Variants in SEPTIN9 observed in about 807,000 individuals in gnomAD.
SEPTIN9 encodes septin 9, also known as septin-9.
SEPTIN9 carries 13 observed loss-of-function variants against 56.6 expected under a neutral mutation model. The observed-to-expected ratio is 0.23, with a 90% CI of 0.15 to 0.37. The LOEUF (loss-of-function observed/expected upper bound fraction) is 0.37. SEPTIN9 is among the 10% of genes least tolerant of loss of function. SEPTIN9 has a pLI of 1.00. For synonymous variants in SEPTIN9, 332 were observed against 334.1 expected (o/e 0.99, Z 0.07); for missense variants, 650 against 823.1 (o/e 0.79, Z 2.57).
chr17:77,393,049 G>A (rs892046839), intron 2 of SEPTIN9, among the ~76,000 whole-genome samples: 32 of 152,136 alleles, frequency 2.1e-4, no homozygotes, highest in Non-Finnish European at 4.0e-4. Flanking sequence ...AGCAGCCCAG[G>A]CCAATTCTGG....
intron 3 of SEPTIN9, among the ~76,000 whole-genome samples, chr17:77,414,375 A>G (rs925786468): frequency 6.6e-6 from 1 of 152,116 alleles, no homozygotes; most frequent in South Asian, 2.1e-4. Context: ...GCGTGGCCCA[A>G]TCCACCCATT....
intron 2 of SEPTIN9, among the ~76,000 whole-genome samples, chr17:77,363,432 G>T (rs544284550): frequency 2.6e-5 from 3 of 115,160 alleles, no homozygotes; most frequent in South Asian, 3.0e-4. Flanking sequence ...CTGTTGCCCA[G>T]GCTGGAGTGC....
intron 2 of SEPTIN9, among the ~76,000 whole-genome samples, chr17:77,321,949 G>A (rs1567992706): frequency 6.6e-6 from 1 of 152,226 alleles, no homozygotes; most frequent in Admixed American, 6.5e-5. Flanking sequence ...AGGGACCTTC[G>A]TCAGGCTTGC....
chr17:77,397,019 G>A (rs1568036248), intron 2 of SEPTIN9: 1 of 154,790 alleles, frequency 6.5e-6, no homozygotes, highest in African/African-American at 2.4e-5. Flanking sequence ...GCTGGAGAGT[G>A]GGTGACCACA....
rs115343715 is a variant in SEPTIN9, at chr17:77,395,590, C to T, written c.77-6469C>T. On this transcript the variant is annotated intron_variant, in intron 2 of 11. Transcript: ENST00000427177. The stretch of plus-strand genomic sequence containing the variant: ...TTCCCTGAACATGCTAAGTGATCCC[C>T]ATGTAGTATAAGCATCTCAGAAGGC... Among the ~76,000 whole-genome samples the T allele has an allele frequency of 5.6e-3, 856 of 151,966 alleles. 9 individuals carry two copies. Among genetic ancestry groups the T allele is most frequent in the African/African-American group, 0.02 (816 of 41,406 alleles).
At chr17:77,366,075 C>T (rs1378581518) in intron 2 of SEPTIN9, among the ~76,000 whole-genome samples, 1 of 152,160 alleles carries the variant, frequency 6.6e-6, no homozygotes, top group Non-Finnish European at 1.5e-5. Flanking sequence ...CTAGCCAAGC[C>T]TCCTGGTACC....
intron 2 of SEPTIN9, among the ~76,000 whole-genome samples, chr17:77,336,662 T>C (rs2033562659): frequency 6.6e-6 from 1 of 152,202 alleles, no homozygotes; most frequent in Non-Finnish European, 1.5e-5. Context: ...GTAGGTCTTT[T>C]AGGATTTAAA....
rs1009747934 is a variant in SEPTIN9 at position 77,367,915 on chromosome 17, T to C, written c.77-34144T>C. ...ACACCCATGTTTGTAGCAGCTTTAC[T>C]CTCAATTGCTCAAATGTGGAAGGAA... On this transcript the variant is annotated intron_variant, in intron 2 of 11. Transcript: ENST00000427177. The surrounding 1 kb of genome is among the most constrained non-coding windows in gnomAD (Gnocchi z 4.5). 3.9e-5 allele frequency among the ~76,000 whole-genome samples: 6 copies of C among 152,236 alleles called. No individual in the cohort carries two copies. Among genetic ancestry groups the C allele is most frequent in the Admixed American group, 3.9e-4 (6 of 15,278 alleles).
intron 2 of SEPTIN9, among the ~76,000 whole-genome samples, chr17:77,335,320 C>T (rs1264172474): frequency 6.7e-6 from 1 of 149,446 alleles, no homozygotes; most frequent in African/African-American, 2.5e-5. Context: ...ACATGTAGGC[C>T]CCATGTTGAC....
rs1448887533 is a variant in SEPTIN9 at position 77,445,884 on chromosome 17, G to A, written c.722-36260G>A. 2.9e-5 allele frequency: 5 copies of A among 173,550 alleles called. No homozygotes were observed. The South Asian group carries it at 5.0e-4, about 17-fold the overall frequency. 10.8% of individuals were successfully genotyped at this position (173,550 alleles called of 1,614,324 possible). A position where few individuals can be genotyped will look rare whatever the true frequency, so the allele number is the denominator to read the frequency against. Reference sequence around the variant, plus strand: ...GACACCTTGGGACCTTCTTTCTGACGCCCCTTGAAGGGGGCACTTTCTCAG... The same window carrying A: ...GACACCTTGGGACCTTCTTTCTGACACCCCTTGAAGGGGGCACTTTCTCAG... On this transcript the variant is annotated intron_variant, in intron 3 of 11. Transcript: ENST00000427177. The surrounding 1 kb of genome is among the most constrained non-coding windows in gnomAD (Gnocchi z 4.7).
Position 77,499,289 on chromosome 17 carries a change from T to C in SEPTIN9, c.*631T>C. On this transcript the variant is annotated 3_prime_UTR_variant, in exon 12 of 12. Coordinates refer to ENST00000427177, the MANE Select transcript of SEPTIN9 (RefSeq NM_001113491.2). Reference sequence around the variant, plus strand: ...TGCCCCTCCTGGAGCAGAAAGTGCCTTTATCTCAGCCATCCGCAGACTGCT... The same window carrying C: ...TGCCCCTCCTGGAGCAGAAAGTGCCCTTATCTCAGCCATCCGCAGACTGCT... The C allele has an allele frequency of 1.7e-6, 1 of 597,918 alleles. No individual in the cohort carries two copies. The highest frequency in any genetic ancestry group is 3.4e-5 in the East Asian group (1 of 29,624). 37.0% of individuals were successfully genotyped at this position (597,918 alleles called of 1,614,324 possible).
chr17:77,340,332 G>A (rs1429894619), intron 2 of SEPTIN9, among the ~76,000 whole-genome samples: 8 of 150,544 alleles, frequency 5.3e-5, no homozygotes, highest in South Asian at 2.1e-4. Flanking sequence ...GTAGAGATGC[G>A]GTTTCACCAT....
rs112231395 is a variant in SEPTIN9, at chr17:77,292,579, C to T, written c.19+11025C>T. Among the ~76,000 whole-genome samples, 1,126 of 151,978 alleles carry T rather than the reference C, an allele frequency of 7.4e-3. 15 individuals carry two copies. The highest frequency in any genetic ancestry group is 0.026 in the African/African-American group (1,061 of 41,424). On this transcript the variant is annotated intron_variant, in intron 1 of 11. Transcript: ENST00000427177. ...TGAGATCCCAGCTCACTGCAACCTC[C>T]GCCTCCCGGGTTCAACCAATTCTCC...
intron 1 of SEPTIN9, among the ~76,000 whole-genome samples, chr17:77,292,496 T>G (rs953160563): frequency 6.6e-6 from 1 of 151,756 alleles, no homozygotes; most frequent in African/African-American, 2.4e-5. Flanking sequence ...TTTGTTTTTT[T>G]TTTTTTAAAT....
intron 3 of SEPTIN9, chr17:77,444,787 A>G (rs996754643): frequency 2.4e-5 from 6 of 251,250 alleles, no homozygotes; most frequent in Admixed American, 5.2e-5. Context: ...TAATAGTGAG[A>G]CGGGCGGACA....
At chr17:77,416,090 C>A (rs1239489266) in intron 3 of SEPTIN9, among the ~76,000 whole-genome samples, 1 of 152,246 alleles carries the variant, frequency 6.6e-6, no homozygotes, top group African/African-American at 2.4e-5. Context: ...ACGTGCACAG[C>A]CCTGTCAGAG....
intron 2 of SEPTIN9, among the ~76,000 whole-genome samples, chr17:77,398,533 G>C (rs925610148): frequency 6.6e-6 from 1 of 152,056 alleles, no homozygotes; most frequent in Non-Finnish European, 1.5e-5. Context: ...TCGTTTGGGG[G>C]GATGGCGTGA....
chr17:77,492,378 G>A lies in SEPTIN9; in HGVS notation c.1381-243G>A, dbSNP rs1398669193. Among the ~76,000 whole-genome samples, 1 of 152,176 alleles carries A rather than the reference G, an allele frequency of 6.6e-6. No individual in the cohort carries two copies. Among genetic ancestry groups the A allele is most frequent in the African/African-American group, 2.4e-5 (1 of 41,434 alleles). ...GGAGAAGAGAGGTGGGAGGTGCTCAGGACGATGACCTTAAGCCCCTGGGGA... is the reference window on the plus strand; with the variant it reads ...GGAGAAGAGAGGTGGGAGGTGCTCAAGACGATGACCTTAAGCCCCTGGGGA... On this transcript the variant is annotated intron_variant, in intron 8 of 11. Transcript: ENST00000427177. This position sits in a 1 kb window ranked among gnomAD's most constrained non-coding sequence, Gnocchi z 5.4.
intron 1 of SEPTIN9, among the ~76,000 whole-genome samples, chr17:77,287,121 G>C (rs548896996): frequency 6.6e-6 from 1 of 152,232 alleles, no homozygotes; most frequent in Non-Finnish European, 1.5e-5. Flanking sequence ...AGCCAGGCAG[G>C]CCTGACGGCA....
Sources: allele counts gnomAD v4.1 joint callset (sites outside exome capture counted in the v4.1 genomes callset), GRCh38; gene constraint gnomAD v4.1.1; non-coding constraint Gnocchi (gnomAD v3.1); transcripts MANE v1.5; gene names NCBI Gene and HGNC (gene_info 2026-07-23, HGNC 2026-07-21).